Variants in CENPF observed in about 807,000 individuals in gnomAD.
CENPF encodes centromere protein F.
In CENPF, 214 loss-of-function variants were observed where a neutral mutation model predicts 307.3. The observed-to-expected ratio is 0.70, with a 90% CI of 0.62 to 0.78. The LOEUF is 0.78. Among genes scored for constraint, CENPF ranks in the 30% least tolerant of loss-of-function variants. The pLI, the probability that CENPF is intolerant of heterozygous loss-of-function variation, is 0.00. For missense variants in CENPF, 3,401 were observed against 3,483.9 expected (o/e 0.98, Z 0.60); for synonymous variants, 1,259 against 1,270.6 (o/e 0.99, Z 0.19).
At position 214,613,876 on chromosome 1, in the gene CENPF, T is replaced by C. The variant is rs1352639497; in HGVS notation, c.122T>C (p.Leu41Pro). 3 of 1,613,838 alleles carry C rather than the reference T, an allele frequency of 1.9e-6. No individual in the cohort carries two copies. Among genetic ancestry groups the C allele is most frequent in the Non-Finnish European group, 2.5e-6 (3 of 1,179,890 alleles). ...GAAAAGCAGCAAAGGCAGTTTCAGC[T>C]TGACAGTCTCGAGGCTGCGCTGCAG... ...KKEKQQRQFQLDSLEAALQKQ... is the reference protein window; with the variant it reads ...KKEKQQRQFQPDSLEAALQKQ... The change falls in exon 2 of 20, where the codon CTT becomes CCT. Residue 41 changes from leucine to proline, a missense_variant. By Grantham distance (98) the Leu-to-Pro change is moderately conservative (BLOSUM62 -3). Transcript: ENST00000366955.
intron 13 of CENPF, 186 bp from the exon 14 acceptor site, chr1:214,648,489 A>G (rs1437693334): frequency 2.6e-6 from 2 of 757,168 alleles, no homozygotes; most frequent in Admixed American, 3.4e-5. Flanking sequence ...TTCTGGGAAG[A>G]AAAGGTAAGC....
chr1:214,641,525 C>G lies in CENPF; in HGVS notation c.3187C>G (p.Leu1063Val). 1 of 1,519,168 alleles carries G rather than the reference C, an allele frequency of 6.6e-7. No homozygotes were observed. The highest frequency in any genetic ancestry group is 8.8e-7 in the Non-Finnish European group (1 of 1,139,134). The allele number at this position is 1,519,168 out of a possible 1,614,324, so 94.1% of individuals were successfully genotyped here. A position where few individuals can be genotyped will look rare whatever the true frequency, so the allele number is the denominator to read the frequency against. Reference protein sequence around the residue: ...LECLLNECTSLCENRKNELEQ... With the variant: ...LECLLNECTSVCENRKNELEQ... Reference sequence around the variant, plus strand: ...ATGCTTGCTAAATGAATGCACTAGTCTTTGTGAAAATAGGAAAAATGAGTT... The same window carrying G: ...ATGCTTGCTAAATGAATGCACTAGTGTTTGTGAAAATAGGAAAAATGAGTT... Residue 1063 changes from leucine to valine, a missense_variant, in exon 12 of 20, where the codon CTT (leucine) becomes GTT (valine). Transcript: ENST00000366955.
chr1:214,607,925 C>T (rs1358010834), intron 1 of CENPF, among the ~76,000 whole-genome samples: 3 of 152,184 alleles, frequency 2.0e-5, no homozygotes, highest in Non-Finnish European at 2.9e-5. Context: ...GCAGCAGCCT[C>T]GCCTCACTTG....
intron 1 of CENPF, chr1:214,605,822 T>C (rs1469586047): frequency 3.8e-6 from 6 of 1,593,460 alleles, no homozygotes; most frequent in African/African-American, 1.3e-5. Flanking sequence ...CGCCAGCCCG[T>C]GCGAGAAGTC....
intron 14 of CENPF, among the ~76,000 whole-genome samples, chr1:214,651,216 C>T: frequency 6.6e-6 from 1 of 152,056 alleles, no homozygotes; most frequent in East Asian, 1.9e-4. Context: ...TGGAGTTTGG[C>T]CAGTTCTTCA....
Position 214,640,684 on chromosome 1 carries a change from A to G in CENPF, c.2346A>G (p.Arg782=). The change falls in exon 12 of 20, where the codon AGA becomes AGG. Residue 782 remains arginine, a synonymous_variant. Transcript: ENST00000366955. ...ASLVTNEDHQ[R]SLLAFDQQPA... is the part of the protein sequence containing the mutation. Reference sequence around the variant, plus strand: ...TGGTGACAAATGAAGATCATCAGAGAAGTCTTTTGGCTTTTGATCAGCAGC... The same window carrying G: ...TGGTGACAAATGAAGATCATCAGAGGAGTCTTTTGGCTTTTGATCAGCAGC... 2 of 1,614,064 alleles carry G rather than the reference A, an allele frequency of 1.2e-6. No homozygotes were observed. Among genetic ancestry groups the G allele is most frequent in the Middle Eastern group, 3.3e-4 (2 of 6,062 alleles).
At chr1:214,662,909 A>ATAG (rs1308161116) in intron 19 of CENPF, among the ~76,000 whole-genome samples, 1 of 152,020 alleles carries the variant, frequency 6.6e-6, no homozygotes, top group Non-Finnish European at 1.5e-5. Context: ...CCTCCTGAGT[A>ATAG]GCTGGAACTA....
rs1383339062 is a variant in CENPF, at chr1:214,641,590, A to T, written c.3252A>T (p.Glu1084Asp). ...AAGCATTTGCAAAGGAACACCAAGA[A>T]TTCTTAACAAAATTAGCATTTGCTG... is the stretch of plus-strand genomic sequence containing the variant. ...LKEAFAKEHQ[E>D]FLTKLAFAEE... The change falls in exon 12 of 20, where the codon GAA (glutamate) becomes GAT (aspartate). Residue 1084 changes from glutamate to aspartate, a missense_variant. By Grantham distance (45) the Glu-to-Asp change is conservative. Transcript: ENST00000366955. 8 of 1,546,312 alleles carry T rather than the reference A, an allele frequency of 5.2e-6. No homozygotes were observed. The highest frequency in any genetic ancestry group is 6.1e-6 in the Non-Finnish European group (7 of 1,152,878).
chr1:214,663,754 G>A lies in CENPF; in HGVS notation c.9305G>A (p.Gly3102Glu), dbSNP rs1658847030. Residue 3102 changes from glycine to glutamate, a missense_variant, in exon 20 of 20, where the codon GGA becomes GAA. Physicochemically the swap from Gly to Glu is moderately conservative, Grantham distance 98 (BLOSUM62 -2). Transcript: ENST00000366955. ...CGACTTGTCCCCAGCCCCAAAGCTGGACTGGAGTCCAACGGCAGTGAGAAC... is the reference window on the plus strand; with the variant it reads ...CGACTTGTCCCCAGCCCCAAAGCTGAACTGGAGTCCAACGGCAGTGAGAAC... ...RGRLVPSPKA[G>E]LESNGSENCK... is the part of the protein sequence containing the mutation. 1 of 1,614,146 alleles carries A rather than the reference G, an allele frequency of 6.2e-7. No individual in the cohort carries two copies. The highest frequency in any genetic ancestry group is 1.3e-5 in the African/African-American group (1 of 75,062).
intron 6 of CENPF, 117 bp downstream of exon 6, chr1:214,621,063 C>T (rs929281207): frequency 4.6e-6 from 4 of 873,136 alleles, no homozygotes; most frequent in Non-Finnish European, 7.1e-6. Flanking sequence ...CATCGGTGTT[C>T]AACATCCTAG....
chr1:214,663,017 A>G (rs1658826413), intron 19 of CENPF, among the ~76,000 whole-genome samples: 1 of 152,190 alleles, frequency 6.6e-6, no homozygotes, highest in South Asian at 2.1e-4. Flanking sequence ...TTTCTGAGAT[A>G]TCTCTTTCCT....
At chr1:214,607,792 A>T (rs1657077869) in intron 1 of CENPF, among the ~76,000 whole-genome samples, 1 of 152,152 alleles carries the variant, frequency 6.6e-6, no homozygotes, top group Non-Finnish European at 1.5e-5. Context: ...TGGATCTGGA[A>T]TGGAGGCTGG....
chr1:214,652,840 A>G lies in CENPF; in HGVS notation c.8173A>G (p.Ile2725Val), dbSNP rs1320760776. Reference sequence around the variant, plus strand: ...TGTTTTGCTCTAGTATGAAGTAGAAATCCAGACATACCGAGAGAAATTGAC... The same window carrying G: ...TGTTTTGCTCTAGTATGAAGTAGAAGTCCAGACATACCGAGAGAAATTGAC... ...LDTNKQYEVE[I>V]QTYREKLTSK... Residue 2725 changes from isoleucine to valine, a missense_variant, in exon 16 of 20, where the codon ATC (isoleucine) becomes GTC (valine). Physicochemically the swap from Ile to Val is conservative, Grantham distance 29. Coordinates refer to ENST00000366955, the MANE Select transcript of CENPF (RefSeq NM_016343.4). 6 of 1,589,132 alleles carry G rather than the reference A, an allele frequency of 3.8e-6. No individual in the cohort carries two copies. The highest frequency in any genetic ancestry group is 5.1e-6 in the Non-Finnish European group (6 of 1,173,402).
intron 11 of CENPF, 130 bp downstream of exon 11, chr1:214,638,131 A>G: frequency 5.3e-6 from 5 of 947,020 alleles, no homozygotes; most frequent in Non-Finnish European, 6.0e-6. Context: ...AGATGTGCGC[A>G]GTTGATGTGG....
In CENPF at chr1:214,646,271, CT is replaced by C. The variant is rs748080304; in HGVS notation, c.6703del (p.Ser2235HisfsTer6). 6.2e-7 allele frequency: 1 copy of C among 1,614,088 alleles called. No individual in the cohort carries two copies. The highest frequency in any genetic ancestry group is 1.7e-5 in the Admixed American group (1 of 60,016). ...GQLSELDKLL[S>X]SFKSLLEEKE... Reference sequence around the variant, plus strand: ...TTGTCAGAACTAGACAAGTTACTCTCTTCATTTAAAAGTCTGTTAGAAGAAA... The same window carrying C: ...TTGTCAGAACTAGACAAGTTACTCTCTCATTTAAAAGTCTGTTAGAAGAAA... On this transcript the variant is annotated frameshift_variant, in exon 13 of 20. Transcript: ENST00000366955. LOFTEE classifies it high-confidence loss of function.
chr1:214,633,631 G>C (rs1657870557), intron 10 of CENPF, among the ~76,000 whole-genome samples: 1 of 152,230 alleles, frequency 6.6e-6, no homozygotes, highest in Non-Finnish European at 1.5e-5. Flanking sequence ...AGTGTATCAT[G>C]ATGGTAAAAT....
At chr1:214,647,477 A>G in intron 13 of CENPF, 77 bp downstream of exon 13, 1 of 1,446,816 alleles carries the variant, frequency 6.9e-7, no homozygotes, top group Non-Finnish European at 9.2e-7. Flanking sequence ...GACACTGTGA[A>G]TTGTATTTAC....
rs761544885 is a variant in CENPF, at chr1:214,632,494, G to A, written c.1338G>A (p.Lys446=). The A allele has an allele frequency of 2.5e-6, 4 of 1,613,714 alleles. No homozygotes were observed. Among genetic ancestry groups the A allele is most frequent in the Non-Finnish European group, 3.4e-6 (4 of 1,179,840 alleles). Residue 446 remains lysine (K), a synonymous_variant, in exon 10 of 20, where the codon AAG becomes AAA. Transcript: ENST00000366955. ...QAELDKLTSV[K]QQLENNLEEF... ...TCTTTTTGTAGCTCACATCAGTAAA[G>A]CAACAGCTAGAAAACAATTTGGAAG...
chr1:214,605,382 C>A (rs751424199), intron 1 of CENPF: 70 of 380,742 alleles, frequency 1.8e-4, no homozygotes, highest in Non-Finnish European at 3.1e-4. Context: ...CATAGAGCAG[C>A]TAAATAACTT....
Sources: gnomAD v4.1 joint callset for allele counts (sites outside exome capture counted in the v4.1 genomes callset) on GRCh38, gnomAD v4.1.1 for gene constraint, MANE v1.5 for transcripts, NCBI Gene and HGNC (gene_info 2026-07-23, HGNC 2026-07-21) for gene names.